The following ARIH1 variants were observed in gnomAD, a reference collection of about 807,000 sequenced individuals.
ARIH1 encodes the protein E3 ubiquitin-protein ligase ARIH1.
ARIH1 carries 8 observed loss-of-function variants against 85.0 expected under a neutral mutation model. That is an observed-to-expected ratio of 0.09 (90% CI 0.06 to 0.17). The LOEUF is 0.17. Ranked by LOEUF, ARIH1 falls within the 10% of genes least tolerant of loss-of-function variation. ARIH1 has a pLI of 1.00. For synonymous variants in ARIH1, 238 were observed against 253.6 expected (o/e 0.94, Z 0.59); for missense variants, 311 against 718.1 (o/e 0.43, Z 6.48).
chr15:72,533,087 G>T (rs899724591), intron 2 of ARIH1, among the ~76,000 whole-genome samples: 1 of 152,134 alleles, frequency 6.6e-6, no homozygotes, highest in Non-Finnish European at 1.5e-5. Flanking sequence ...ATCAAAAAAT[G>T]AAAACAAAAT....
At chr15:72,501,532 A>G (rs185115263) in intron 1 of ARIH1, among the ~76,000 whole-genome samples, 34 of 152,278 alleles carry the variant, frequency 2.2e-4, no homozygotes, top group African/African-American at 7.7e-4. Flanking sequence ...TGCTGTCTCT[A>G]GATGGTTTGT....
chr15:72,554,722 G>GT (rs2140428923), intron 3 of ARIH1, among the ~76,000 whole-genome samples: 1 of 152,098 alleles, frequency 6.6e-6, no homozygotes, highest in South Asian at 2.1e-4. Flanking sequence ...TCTAGTGAGG[G>GT]TGAAGTGGTG....
At chr15:72,486,542 G>A (rs1214690516) in intron 1 of ARIH1, among the ~76,000 whole-genome samples, 1 of 152,032 alleles carries the variant, frequency 6.6e-6, no homozygotes, top group Non-Finnish European at 1.5e-5. Flanking sequence ...GATACAGCTT[G>A]GGGTATAGTT....
chr15:72,581,386 T>C (rs8037282), intron 12 of ARIH1: 131,617 of 167,384 alleles, frequency 0.79, 58,232 homozygotes, highest in Non-Finnish European at 0.97. Context: ...TGTTAATTGC[T>C]ATACGGCACC....
At chr15:72,540,257 T>TC (rs1348934390) in intron 2 of ARIH1, among the ~76,000 whole-genome samples, 3 of 24,408 alleles carry the variant, frequency 1.2e-4, no homozygotes, top group African/African-American at 3.3e-4. Flanking sequence ...AGACTTTGTC[T>TC]CAAAAAAAAA....
intron 1 of ARIH1, among the ~76,000 whole-genome samples, chr15:72,495,920 T>A (rs536468398): frequency 6.6e-6 from 1 of 152,252 alleles, no homozygotes; most frequent in Middle Eastern, 3.4e-3. Flanking sequence ...TCTTACAATT[T>A]TTTTCCTCAA....
chr15:72,545,345 G>T (rs1271325419), intron 3 of ARIH1, among the ~76,000 whole-genome samples: 1 of 152,084 alleles, frequency 6.6e-6, no homozygotes, highest in South Asian at 2.1e-4. Context: ...ATAAAATACC[G>T]TTAATACTAT....
Position 72,544,856 on chromosome 15 carries a change from G to A in ARIH1, c.480G>A (p.Glu160=). 1 of 1,613,468 alleles carries A rather than the reference G, an allele frequency of 6.2e-7. No individual in the cohort carries two copies. The highest frequency in any genetic ancestry group is 8.5e-7 in the Non-Finnish European group (1 of 1,179,520). The change falls in exon 3 of 14, where the codon GAG becomes GAA. Residue 160 remains glutamate, a synonymous_variant. Coordinates refer to ENST00000379887, the MANE Select transcript of ARIH1 (RefSeq NM_005744.5). ...FDGNLEKLFA[E]CHVINPSKKS... is the part of the protein sequence containing the mutation. ...GAAACCTGGAGAAGCTCTTTGCTGA[G>A]TGTCATGTAATTAATCCAAGTAAAA...
In ARIH1 at chr15:72,596,458, C is replaced by A. The variant is rs2064363980; in HGVS notation, c.*13166C>A. 1 of 152,158 alleles carries A rather than the reference C, an allele frequency of 6.6e-6. No homozygotes were observed. Among genetic ancestry groups the A allele is most frequent in the Non-Finnish European group, 1.5e-5 (1 of 68,042 alleles). The allele number at this position is 152,158 out of a possible 1,614,324, so 9.4% of individuals were successfully genotyped here. ...TTTTCTTTGTATAGAGTTTACTGAA[C>A]TTCTTGGATCTGTGTTGATGTCTTT... On this transcript the variant is annotated 3_prime_UTR_variant, in exon 14 of 14. Coordinates refer to ENST00000379887, the MANE Select transcript of ARIH1 (RefSeq NM_005744.5).
Position 72,602,175 on chromosome 15 carries a change from T to C in ARIH1, c.*18883T>C, listed in dbSNP as rs1476042338. ...AAGTCATTTCCCACATCTATGCCTATAGAATAAATTACTAGAATTGAAATA... is the reference window on the plus strand; with the variant it reads ...AAGTCATTTCCCACATCTATGCCTACAGAATAAATTACTAGAATTGAAATA... On this transcript the variant is annotated 3_prime_UTR_variant, in exon 14 of 14. Transcript: ENST00000379887. The C allele has an allele frequency of 1.3e-5, 2 of 152,262 alleles. No individual in the cohort carries two copies. Among genetic ancestry groups the C allele is most frequent in the African/African-American group, 4.8e-5 (2 of 41,472 alleles). The allele number at this position is 152,262 out of a possible 1,614,324, so 9.4% of individuals were successfully genotyped here. A position where few individuals can be genotyped will look rare whatever the true frequency, so the allele number is the denominator to read the frequency against.
chr15:72,500,753 A>G (rs928911396), intron 1 of ARIH1, among the ~76,000 whole-genome samples: 1 of 152,232 alleles, frequency 6.6e-6, no homozygotes, highest in Non-Finnish European at 1.5e-5. Context: ...TAAGCATATT[A>G]TTTAGCATAA....
chr15:72,569,978 T>C (rs1175794854), intron 9 of ARIH1, among the ~76,000 whole-genome samples, 199 bp from the exon 10 acceptor site: 1 of 152,232 alleles, frequency 6.6e-6, no homozygotes, highest in Non-Finnish European at 1.5e-5. Context: ...TTGTATGTCT[T>C]AAAAGCCAGT....
At chr15:72,535,606 G>A (rs1051891109) in intron 2 of ARIH1, among the ~76,000 whole-genome samples, 1 of 152,104 alleles carries the variant, frequency 6.6e-6, no homozygotes, top group African/African-American at 2.4e-5. Context: ...TTGAAAAATC[G>A]TTATCAAAAC....
At chr15:72,558,270 T>G (rs2064183311) in intron 5 of ARIH1, among the ~76,000 whole-genome samples, 1 of 152,196 alleles carries the variant, frequency 6.6e-6, no homozygotes, top group African/African-American at 2.4e-5. Context: ...TTGAAAGCTT[T>G]TTCTGTGTCA....
chr15:72,493,958 A>G (rs1013067111), intron 1 of ARIH1, among the ~76,000 whole-genome samples: 23 of 152,294 alleles, frequency 1.5e-4, no homozygotes, highest in African/African-American at 5.1e-4. Context: ...AAAAACATAT[A>G]TATCTGCCTT....
chr15:72,554,122 T>C (rs142271664), intron 3 of ARIH1, among the ~76,000 whole-genome samples: 74 of 152,352 alleles, frequency 4.9e-4, no homozygotes, highest in Non-Finnish European at 7.5e-4. Context: ...CTTCAGTTGA[T>C]GGACATCTGG....
At chr15:72,578,712 A>G (rs551724814) in intron 11 of ARIH1, among the ~76,000 whole-genome samples, 7 of 152,272 alleles carry the variant, frequency 4.6e-5, no homozygotes, top group South Asian at 4.1e-4. Flanking sequence ...GTGTTGTTCA[A>G]GGGTCAACTG....
intron 2 of ARIH1, among the ~76,000 whole-genome samples, chr15:72,519,492 T>G (rs1383276404): frequency 5.1e-5 from 7 of 137,716 alleles, no homozygotes; most frequent in Non-Finnish European, 7.8e-5. Context: ...TTTTTTTTTT[T>G]TTTTTTTTGA....
chr15:72,570,102 G>C (rs2064236648), intron 9 of ARIH1, 75 bp from the exon 10 acceptor site: 1 of 1,529,708 alleles, frequency 6.5e-7, no homozygotes, highest in Admixed American at 1.9e-5. Context: ...ACCAAATCTA[G>C]AACTGGCTTT....
Sources: gnomAD v4.1 joint callset for allele counts (sites outside exome capture counted in the v4.1 genomes callset) on GRCh38, gnomAD v4.1.1 for gene constraint, MANE v1.5 for transcripts, NCBI Gene and HGNC (gene_info 2026-07-23, HGNC 2026-07-21) for gene names.